Variants in CTNNA2 observed in about 807,000 individuals in gnomAD.
The protein encoded by CTNNA2 is catenin alpha 2.
A neutral mutation model predicts 101.0 loss-of-function variants in CTNNA2; 42 were observed. The observed-to-expected ratio is 0.42, with a 90% CI of 0.32 to 0.54. CTNNA2 has a LOEUF of 0.54. CTNNA2 is among the 20% of genes least tolerant of loss of function. The pLI is 0.14. For synonymous variants in CTNNA2, 450 were observed against 456.4 expected (o/e 0.99, Z 0.18); for missense variants, 871 against 1,223.1 (o/e 0.71, Z 4.29).
chr2:80,350,974 A>C (rs1409553427), intron 7 of CTNNA2, among the ~76,000 whole-genome samples: 1 of 152,206 alleles, frequency 6.6e-6, no homozygotes, highest in Non-Finnish European at 1.5e-5. Context: ...GGTTTAAGCT[A>C]ACACTTCAGA....
chr2:80,186,919 T>C (rs1706167321), intron 7 of CTNNA2, among the ~76,000 whole-genome samples: 1 of 152,228 alleles, frequency 6.6e-6, no homozygotes, highest in South Asian at 2.1e-4. Context: ...GGGTTCCTGC[T>C]GGAATATTGC....
rs182119151 is a variant in CTNNA2 at position 80,278,941 on chromosome 2, G to T, written c.1057-114270G>T. 4.0e-3 allele frequency among the ~76,000 whole-genome samples: 601 copies of T among 152,024 alleles called. 1 individual carries two copies. The highest frequency in any genetic ancestry group is 0.014 in the African/African-American group (569 of 41,442). The stretch of plus-strand genomic sequence containing the variant: ...CATTGTACCACTGCACTCTAGCCTG[G>T]GTGACAAAGTGAGACTCTGTCTCTT... On this transcript the variant is annotated intron_variant, in intron 7 of 18. Transcript: ENST00000402739.
intron 1 of CTNNA2, among the ~76,000 whole-genome samples, chr2:79,514,221 C>G (rs185731447): frequency 6.6e-6 from 1 of 152,298 alleles, no homozygotes; most frequent in Admixed American, 6.5e-5. Context: ...TACTTTTGTT[C>G]ATCATGGGTT....
chr2:79,409,943 T>A (rs1457405801), intron 4 of CTNNA2, among the ~76,000 whole-genome samples: 1 of 144,146 alleles, frequency 6.9e-6, no homozygotes, highest in Non-Finnish European at 1.5e-5. Context: ...GCATGGAATG[T>A]TCTTCCATGT....
intron 4 of CTNNA2, among the ~76,000 whole-genome samples, chr2:79,425,505 G>A (rs1340285840): frequency 6.6e-6 from 1 of 152,154 alleles, no homozygotes; most frequent in Non-Finnish European, 1.5e-5. Context: ...ATTCTCTAGA[G>A]GGTGGAAATG....
At position 80,446,333 on chromosome 2, in the gene CTNNA2, C is replaced by T. The variant is rs574280645; in HGVS notation, c.1290+26732C>T. 2.7e-3 allele frequency among the ~76,000 whole-genome samples: 414 copies of T among 152,220 alleles called. 1 individual carries two copies. The highest frequency in any genetic ancestry group is 9.7e-3 in the African/African-American group (403 of 41,528). On this transcript the variant is annotated intron_variant, in intron 9 of 18. Coordinates refer to ENST00000402739, the MANE Select transcript of CTNNA2 (RefSeq NM_001282597.3). ...TAAAGCTATCCAGATGAGTATGATG[C>T]AACCAACTCAGATACCACACATAGA... is the stretch of plus-strand genomic sequence containing the variant.
chr2:80,085,930 G>A (rs1670073862), intron 7 of CTNNA2, among the ~76,000 whole-genome samples: 1 of 152,016 alleles, frequency 6.6e-6, no homozygotes, highest in South Asian at 2.1e-4. Flanking sequence ...AATTGATCTT[G>A]ATGGGACATG....
intron 11 of CTNNA2, among the ~76,000 whole-genome samples, chr2:80,555,136 T>A (rs1268830616): frequency 9.9e-5 from 13 of 131,604 alleles, no homozygotes; most frequent in African/African-American, 3.8e-4. Context: ...CATGACATAA[T>A]TTTAAAAGAC....
chr2:79,956,803 A>G (rs139948469), intron 7 of CTNNA2, among the ~76,000 whole-genome samples: 300 of 145,302 alleles, frequency 2.1e-3, no homozygotes, highest in African/African-American at 7.4e-3. Flanking sequence ...GAGAGTTTAC[A>G]GAATCTTGAG....
intron 7 of CTNNA2, among the ~76,000 whole-genome samples, chr2:79,983,819 A>G (rs1182665539): frequency 2.6e-5 from 4 of 152,150 alleles, no homozygotes; most frequent in African/African-American, 4.8e-5. Context: ...TACTGTTTTT[A>G]TGTCATTTCT....
At chr2:79,906,821 C>G (rs906775113) in intron 6 of CTNNA2, among the ~76,000 whole-genome samples, 7 of 152,212 alleles carry the variant, frequency 4.6e-5, no homozygotes, top group Non-Finnish European at 1.0e-4. Flanking sequence ...GAACTGACTC[C>G]TTTAGTGCAG....
chr2:80,388,045 C>T lies in CTNNA2; in HGVS notation c.1057-5166C>T, dbSNP rs755599634. The stretch of plus-strand genomic sequence containing the variant: ...GCTCAAAAAAGGCATATAAGTTCTG[C>T]GGACAAAAAGCAGCAGAGGAAATAC... On this transcript the variant is annotated intron_variant, in intron 7 of 18. Transcript: ENST00000402739. 5.9e-5 allele frequency among the ~76,000 whole-genome samples: 9 copies of T among 152,076 alleles called. No homozygotes were observed. The South Asian group carries it at 8.3e-4, about 14-fold the overall frequency.
At chr2:79,917,498 CG>C (rs1244452736) in intron 7 of CTNNA2, among the ~76,000 whole-genome samples, 1 of 152,190 alleles carries the variant, frequency 6.6e-6, no homozygotes, top group Non-Finnish European at 1.5e-5. Flanking sequence ...ATAGTTGGCA[CG>C]GAAGTCTTTC....
At chr2:79,543,333 T>C (rs1352075637) in intron 1 of CTNNA2, among the ~76,000 whole-genome samples, 2 of 152,180 alleles carry the variant, frequency 1.3e-5, no homozygotes, top group Admixed American at 6.5e-5. Flanking sequence ...GGATTTTATT[T>C]TACTTTGAAA....
rs930149017 is a variant in CTNNA2 at position 80,586,981 on chromosome 2, T to C, written c.2008-2323T>C. Among the ~76,000 whole-genome samples, 37 of 152,210 alleles carry C rather than the reference T, an allele frequency of 2.4e-4. No individual in the cohort carries two copies. In the Middle Eastern group the frequency reaches 0.01, roughly 42 times the overall value. On this transcript the variant is annotated intron_variant, in intron 14 of 18. Coordinates refer to ENST00000402739, the MANE Select transcript of CTNNA2 (RefSeq NM_001282597.3). ...GGATGCACAGTGTGGCGAGCAGTGC[T>C]AGTGATATCAGTGACCCTTGCCCCA... is the stretch of plus-strand genomic sequence containing the variant.
chr2:80,415,646 G>A (rs1339750183), intron 8 of CTNNA2, among the ~76,000 whole-genome samples: 1 of 152,118 alleles, frequency 6.6e-6, no homozygotes, highest in Non-Finnish European at 1.5e-5. Flanking sequence ...AAAACAGTAT[G>A]GAGGTGCCTC....
At chr2:80,541,614 C>G (rs1691561414) in intron 9 of CTNNA2, among the ~76,000 whole-genome samples, 1 of 152,154 alleles carries the variant, frequency 6.6e-6, no homozygotes, top group Non-Finnish European at 1.5e-5. Flanking sequence ...CTTCTGAGCT[C>G]TAAGTCCCAC....
At chr2:80,172,333 T>C (rs1705117286) in intron 7 of CTNNA2, among the ~76,000 whole-genome samples, 1 of 152,210 alleles carries the variant, frequency 6.6e-6, no homozygotes, top group South Asian at 2.1e-4. Context: ...ATCATTTCAT[T>C]GTTTTGAGAC....
chr2:80,080,631 T>G (rs1273180313), intron 7 of CTNNA2, among the ~76,000 whole-genome samples: 1 of 152,176 alleles, frequency 6.6e-6, no homozygotes, highest in African/African-American at 2.4e-5. Context: ...TAGAGAGAAC[T>G]GTGTTGCGAG....
Sources: allele counts gnomAD v4.1 joint callset (sites outside exome capture counted in the v4.1 genomes callset), GRCh38; gene constraint gnomAD v4.1.1; transcripts MANE v1.5; gene names NCBI Gene and HGNC (gene_info 2026-07-23, HGNC 2026-07-21).